MBNL3: variants seen among roughly 807,000 people sequenced by gnomAD.
MBNL3 encodes muscleblind-like protein 3.
In MBNL3, 6 loss-of-function variants were observed where a neutral mutation model predicts 24.5. The observed-to-expected ratio is 0.25, with a 90% CI of 0.13 to 0.48. MBNL3 has a LOEUF of 0.48. Among genes scored for constraint, MBNL3 ranks in the 20% least tolerant of loss-of-function variants. The probability of loss-of-function intolerance (pLI) is 0.99; values close to 1 mark genes in which losing one functional copy is unlikely to be tolerated. For missense variants in MBNL3, 230 were observed against 293.5 expected (o/e 0.78, Z 1.58); for synonymous variants, 100 against 101.7 (o/e 0.98, Z 0.10).
Position 132,392,195 on chromosome X carries a change from A to C in MBNL3, c.482T>G (p.Leu161Arg), listed in dbSNP as rs761452681. ...TPVLIPGNPP[L>R]AMPGAVGPKL... ...TGGGCCAACAGCTCCTGGCATTGCAAGAGGTGGGTTTCCAGGAATCAGAAC... is the reference window on the plus strand; with the variant it reads ...TGGGCCAACAGCTCCTGGCATTGCACGAGGTGGGTTTCCAGGAATCAGAAC... Residue 161 changes from leucine (L) to arginine (R), a missense_variant, in exon 4 of 9, where the codon CTT becomes CGT. Physicochemically the swap from Leu to Arg is moderately radical, Grantham distance 102. Transcript: ENST00000370853. 8.3e-6 allele frequency: 10 copies of C among 1,207,921 alleles called. 1 individual carries two copies. In the South Asian group the frequency reaches 1.8e-4, roughly 22 times the overall value.
chrX:132,424,973 AG>A (rs1944176544), intron 2 of MBNL3, among the ~76,000 whole-genome samples: 1 of 111,816 alleles, frequency 8.9e-6, no homozygotes, highest in South Asian at 3.8e-4. Flanking sequence ...ATTGGGAAAA[AG>A]GGGGAGACAG....
chrX:132,436,445 A>G (rs1046096565), intron 2 of MBNL3, among the ~76,000 whole-genome samples: 5 of 112,228 alleles, frequency 4.5e-5, no homozygotes, highest in South Asian at 3.7e-4. Flanking sequence ...GGCAATAACC[A>G]TCATCTGGTA....
chrX:132,489,898 T>G (rs1424594503), upstream of MBNL3: 4 of 112,142 alleles, frequency 3.6e-5, no homozygotes, highest in African/African-American at 6.4e-5. Context: ...CTCTCTGGCC[T>G]CCGCCTCTCT....
chrX:132,475,795 C>T (rs189534543), intron 1 of MBNL3, among the ~76,000 whole-genome samples: 53 of 111,320 alleles, frequency 4.8e-4, no homozygotes, highest in African/African-American at 1.7e-3. Flanking sequence ...CTCCTGCCAC[C>T]CAAGTGCCAC....
chrX:132,469,236 T>C (rs748383415), intron 1 of MBNL3, among the ~76,000 whole-genome samples: 5 of 112,711 alleles, frequency 4.4e-5, no homozygotes, highest in African/African-American at 1.6e-4. Context: ...TGTCACAGTG[T>C]AGTGTAACTC....
intron 1 of MBNL3, among the ~76,000 whole-genome samples, chrX:132,466,329 A>G (rs1480872189): frequency 8.9e-6 from 1 of 111,891 alleles, no homozygotes; most frequent in African/African-American, 3.2e-5. Flanking sequence ...TGGTGTCTTC[A>G]TTTCCACTTT....
chrX:132,431,246 G>A (rs184178112), intron 2 of MBNL3: 91 of 111,768 alleles, frequency 8.1e-4, no homozygotes, highest in African/African-American at 2.7e-3. Context: ...CATGGCATTT[G>A]CCTACTAGTG....
chrX:132,427,725 T>C (rs1944417694), intron 2 of MBNL3, among the ~76,000 whole-genome samples: 1 of 111,834 alleles, frequency 8.9e-6, no homozygotes, highest in Non-Finnish European at 1.9e-5. Flanking sequence ...ATATAAAAGA[T>C]GGTTAAAGAG....
At chrX:132,422,147 G>T (rs1046502391) in intron 2 of MBNL3, among the ~76,000 whole-genome samples, 1 of 110,371 alleles carries the variant, frequency 9.1e-6, no homozygotes, top group Admixed American at 9.6e-5. Flanking sequence ...GTGTGTGTGT[G>T]TGTGTGTGTA....
chrX:132,387,064 G>A (rs1394853736), intron 5 of MBNL3, among the ~76,000 whole-genome samples: 3 of 109,475 alleles, frequency 2.7e-5, no homozygotes, highest in African/African-American at 6.7e-5. Context: ...TTTGAGCTTA[G>A]GAGTTTGAGA....
chrX:132,384,737 T>C, intron 6 of MBNL3, 39 bp from the exon 7 acceptor site: 1 of 1,048,165 alleles, frequency 9.5e-7, no homozygotes, highest in Non-Finnish European at 1.3e-6. Flanking sequence ...GTAAAAGAGA[T>C]ATTTGATTAT....
chrX:132,463,754 A>G (rs1485968293), intron 1 of MBNL3, among the ~76,000 whole-genome samples: 5 of 112,229 alleles, frequency 4.5e-5, no homozygotes, highest in African/African-American at 1.6e-4. Flanking sequence ...GCTTTTTCTC[A>G]TTCTGTGGTA....
intron 3 of MBNL3, among the ~76,000 whole-genome samples, chrX:132,394,481 TCTTC>T (rs1161897994): frequency 4.5e-5 from 5 of 112,156 alleles, no homozygotes; most frequent in African/African-American, 1.6e-4. Flanking sequence ...ACGATAGTGC[TCTTC>T]ACTTGACTTT....
chrX:132,401,610 C>CAA (rs536128391), intron 3 of MBNL3, among the ~76,000 whole-genome samples: 32 of 82,786 alleles, frequency 3.9e-4, no homozygotes, highest in African/African-American at 1.4e-3. Context: ...TACCGTGTCT[C>CAA]AAAAAAAAAA....
chrX:132,393,430 G>T (rs1937514437), intron 3 of MBNL3, among the ~76,000 whole-genome samples: 1 of 108,570 alleles, frequency 9.2e-6, no homozygotes, highest in Non-Finnish European at 1.9e-5. Flanking sequence ...TATTTTCAAA[G>T]ATCCTGGATT....
chrX:132,441,085 C>T (rs1945367388), intron 1 of MBNL3, among the ~76,000 whole-genome samples: 1 of 111,998 alleles, frequency 8.9e-6, no homozygotes, highest in Admixed American at 9.4e-5. Flanking sequence ...AATTAAATAC[C>T]TAGAAAGTTC....
chrX:132,402,430 C>G (rs1157520144), intron 3 of MBNL3, among the ~76,000 whole-genome samples: 1 of 111,857 alleles, frequency 8.9e-6, no homozygotes, highest in Non-Finnish European at 1.9e-5. Flanking sequence ...AATTGTAAAA[C>G]CAAAATTTTA....
intron 1 of MBNL3, among the ~76,000 whole-genome samples, chrX:132,475,014 T>C (rs897328756): frequency 1.3e-4 from 15 of 111,433 alleles, no homozygotes; most frequent in African/African-American, 3.9e-4. Context: ...TTTGCTTCTA[T>C]AACAAAAAAA....
At chrX:132,424,412 T>G (rs1217307109) in intron 2 of MBNL3, among the ~76,000 whole-genome samples, 1 of 111,467 alleles carries the variant, frequency 9.0e-6, no homozygotes, top group Non-Finnish European at 1.9e-5. Context: ...AGGTAACTAG[T>G]GGTGCATGTT....
Sources: gnomAD v4.1 joint callset for allele counts (sites outside exome capture counted in the v4.1 genomes callset) on GRCh38, gnomAD v4.1.1 for gene constraint, MANE v1.5 for transcripts, NCBI Gene and HGNC (gene_info 2026-07-23, HGNC 2026-07-21) for gene names.